Variants in GULP1 observed in about 807,000 individuals in gnomAD.
The protein encoded by GULP1 is GULP PTB domain containing engulfment adaptor 1.
In GULP1, 19 loss-of-function variants were observed where a neutral mutation model predicts 40.9. That is an observed-to-expected ratio of 0.46 (90% CI 0.32 to 0.68). GULP1 has a LOEUF of 0.68. Among genes scored for constraint, GULP1 ranks in the 30% least tolerant of loss-of-function variants. GULP1 has a pLI of 0.03. For missense variants in GULP1, 312 were observed against 362.2 expected (o/e 0.86, Z 1.12); for synonymous variants, 119 against 117.6 (o/e 1.01, Z -0.08).
chr2:188,511,928 T>C (rs767199895), intron 4 of GULP1, among the ~76,000 whole-genome samples: 1 of 152,176 alleles, frequency 6.6e-6, no homozygotes, highest in Non-Finnish European at 1.5e-5. Context: ...TGTTGGTGTA[T>C]CTATTTTAGT....
chr2:188,578,286 CTTTTTGTTGTCACATT>C (rs1385699376), intron 9 of GULP1, among the ~76,000 whole-genome samples: 1 of 151,650 alleles, frequency 6.6e-6, no homozygotes, highest in Non-Finnish European at 1.5e-5. Context: ...TTTTATATTT[CTTTTTGTTGTCACATT>C]TATATAAAAC....
At chr2:188,528,105 G>A (rs1245378916) in intron 5 of GULP1, among the ~76,000 whole-genome samples, 1 of 152,090 alleles carries the variant, frequency 6.6e-6, no homozygotes, top group African/African-American at 2.4e-5. Flanking sequence ...ATGCTGGGGT[G>A]ATTGCAGAGG....
chr2:188,506,008 G>A (rs1310233055), intron 4 of GULP1, among the ~76,000 whole-genome samples: 1 of 151,850 alleles, frequency 6.6e-6, no homozygotes, highest in African/African-American at 2.4e-5. Flanking sequence ...TATAATTATA[G>A]TACTGTATCA....
At chr2:188,350,035 T>A (rs2044231283) in intron 1 of GULP1, among the ~76,000 whole-genome samples, 1 of 152,172 alleles carries the variant, frequency 6.6e-6, no homozygotes, top group Admixed American at 6.5e-5. Context: ...AAGGGTTTAT[T>A]TCTGGATTTT....
At chr2:188,332,415 C>G (rs975293497) in intron 1 of GULP1, among the ~76,000 whole-genome samples, 35 of 152,114 alleles carry the variant, frequency 2.3e-4, no homozygotes, top group Non-Finnish European at 3.8e-4. Context: ...GTCTTGAACT[C>G]CTGACCTTAA....
chr2:188,468,486 A>C (rs76569022), intron 2 of GULP1, among the ~76,000 whole-genome samples: 1,722 of 152,310 alleles, frequency 0.011, 40 homozygotes, highest in African/African-American at 0.039. Flanking sequence ...TTGTAATTCA[A>C]CATATATTAA....
intron 1 of GULP1, among the ~76,000 whole-genome samples, chr2:188,317,532 A>C (rs1009622766): frequency 6.6e-6 from 1 of 151,934 alleles, no homozygotes; most frequent in Non-Finnish European, 1.5e-5. Context: ...ATATCTTTAC[A>C]TTGTTTTATT....
At chr2:188,547,124 A>G (rs141809232) in intron 7 of GULP1, among the ~76,000 whole-genome samples, 2,249 of 152,100 alleles carry the variant, frequency 0.015, 28 homozygotes, top group Non-Finnish European at 0.021. Flanking sequence ...ATGTTTAAAC[A>G]GGAATTAATG....
At chr2:188,352,649 C>CACACAT (rs374718200) in intron 1 of GULP1, among the ~76,000 whole-genome samples, 6 of 146,110 alleles carry the variant, frequency 4.1e-5, no homozygotes, top group African/African-American at 1.2e-4. Context: ...CACACACACA[C>CACACAT]GGTTCTGTTT....
chr2:188,402,069 T>A (rs554292737), intron 2 of GULP1, among the ~76,000 whole-genome samples: 15 of 152,244 alleles, frequency 9.9e-5, no homozygotes, highest in African/African-American at 3.4e-4. Context: ...CTTCCAAGTT[T>A]CAGAATATTA....
intron 2 of GULP1, among the ~76,000 whole-genome samples, chr2:188,397,134 T>TAA (rs2051395025): frequency 6.6e-6 from 1 of 152,236 alleles, no homozygotes; most frequent in African/African-American, 2.4e-5. Flanking sequence ...GTTAAGTTTC[T>TAA]ACCTTGCTTC....
At chr2:188,472,002 G>A (rs2060629482) in intron 2 of GULP1, among the ~76,000 whole-genome samples, 1 of 152,086 alleles carries the variant, frequency 6.6e-6, no homozygotes, top group South Asian at 2.1e-4. Context: ...AAGTCTTTAT[G>A]TCTCCTTTAT....
At chr2:188,363,109 T>C (rs1229740716) in intron 1 of GULP1, among the ~76,000 whole-genome samples, 1 of 152,152 alleles carries the variant, frequency 6.6e-6, no homozygotes, top group Non-Finnish European at 1.5e-5. Context: ...TATTATCTTT[T>C]AAATTAACAT....
At chr2:188,468,281 T>C (rs2060294068) in intron 2 of GULP1, among the ~76,000 whole-genome samples, 1 of 152,172 alleles carries the variant, frequency 6.6e-6, no homozygotes, top group South Asian at 2.1e-4. Flanking sequence ...ATATGTGTAA[T>C]AAAGGAAAAG....
rs573752330 is a variant in GULP1, at chr2:188,383,890, G to T, written c.-45+1G>T. ...TTCAACTATATTTGAGCATACCCAG[G>T]TAAGAATAAATGATTGTTTATACAT... On this transcript the variant is annotated splice_donor_variant, in intron 2 of 11. Transcript: ENST00000409830. LOFTEE classifies it low-confidence loss of function (5UTR_SPLICE). 2 of 152,050 alleles carry T rather than the reference G, an allele frequency of 1.3e-5. No homozygotes were observed. Among genetic ancestry groups the T allele is most frequent in the Admixed American group, 6.6e-5 (1 of 15,260 alleles). 9.4% of individuals were successfully genotyped at this position (152,050 alleles called of 1,614,324 possible).
chr2:188,347,595 T>A (rs146944987), intron 1 of GULP1, among the ~76,000 whole-genome samples: 1,634 of 150,738 alleles, frequency 0.011, 11 homozygotes, highest in Non-Finnish European at 0.015. Flanking sequence ...CAGCTTCTAG[T>A]CAGTGACTAT....
At chr2:188,403,654 T>C (rs1559200063) in intron 2 of GULP1, among the ~76,000 whole-genome samples, 1 of 152,148 alleles carries the variant, frequency 6.6e-6, no homozygotes, top group Non-Finnish European at 1.5e-5. Context: ...GTATTAGATT[T>C]GAGAAGGAAG....
At chr2:188,307,104 A>C (rs1326168559) in intron 1 of GULP1, among the ~76,000 whole-genome samples, 2 of 152,184 alleles carry the variant, frequency 1.3e-5, no homozygotes, top group African/African-American at 4.8e-5. Flanking sequence ...ATGATTTTGT[A>C]GGTGGTCAAT....
At chr2:188,541,816 A>G (rs1174511636) in intron 7 of GULP1, 1 of 165,656 alleles carries the variant, frequency 6.0e-6, no homozygotes, top group Non-Finnish European at 1.3e-5. Context: ...TGTTCATTGT[A>G]TAAAAATCTT....
Sources: gnomAD v4.1 joint callset for allele counts (sites outside exome capture counted in the v4.1 genomes callset) on GRCh38, gnomAD v4.1.1 for gene constraint, MANE v1.5 for transcripts, NCBI Gene and HGNC (gene_info 2026-07-23, HGNC 2026-07-21) for gene names.